BORCS7: variants seen among roughly 807,000 people sequenced by gnomAD.
BORCS7 encodes the protein BLOC-1 related complex subunit 7.
BORCS7 carries 20 observed loss-of-function variants against 17.5 expected under a neutral mutation model. The observed-to-expected ratio is 1.14, with a 90% confidence interval of 0.80 to 1.66. The LOEUF (loss-of-function observed/expected upper bound fraction) is 1.66, where lower values mean the gene tolerates loss of function less well. Ranked by LOEUF, BORCS7 falls within the 40% of genes most tolerant of loss-of-function variation. BORCS7 has a pLI of 0.00. For missense variants in BORCS7, 122 were observed against 129.7 expected, an observed-to-expected ratio of 0.94 and a Z score of 0.29; for synonymous variants, 57 against 49.8, an observed-to-expected ratio of 1.14 and a Z score of -0.61.
intron 4 of BORCS7, 26 bp downstream of exon 4, chr10:102,862,206 T>G (rs1844533301): frequency 1.2e-6 from 2 of 1,602,358 alleles, no homozygotes; most frequent in Non-Finnish European, 1.7e-6. Context: ...GGTAGAGGAG[T>G]AGGGAACCAA....
At position 102,863,058 on chromosome 10, in the gene BORCS7, G is replaced by C. The variant is rs994627126; in HGVS notation, c.*134G>C. 7.6e-6 allele frequency: 6 copies of C among 787,422 alleles called. No individual in the cohort carries two copies. The East Asian group carries it at 1.6e-4, about 22-fold the overall frequency. The allele number at this position is 787,422 out of a possible 1,614,324, so 48.8% of individuals were successfully genotyped here. The stretch of plus-strand genomic sequence containing the variant: ...GTTAGAAAAGTTCTGTGTTAGGGCC[G>C]GGCGCGGTAGCTCACGCCTGTAATC... On this transcript the variant is annotated 3_prime_UTR_variant, in exon 5 of 5. Coordinates refer to ENST00000339834, the MANE Select transcript of BORCS7 (RefSeq NM_001136200.2).
chr10:102,857,697 A>G (rs149871071), intron 1 of BORCS7, among the ~76,000 whole-genome samples: 7 of 152,374 alleles, frequency 4.6e-5, no homozygotes, highest in African/African-American at 1.7e-4. Flanking sequence ...GACTGGGAAC[A>G]GCCTCCAAAT....
Position 102,862,864 on chromosome 10 carries a change from A to C in BORCS7, c.270-9A>C. 2 of 1,599,886 alleles carry C rather than the reference A, an allele frequency of 1.3e-6. No homozygotes were observed. Among genetic ancestry groups the C allele is most frequent in the Non-Finnish European group, 1.7e-6 (2 of 1,167,160 alleles). On this transcript the variant is annotated splice_polypyrimidine_tract_variant and intron_variant, in intron 4 of 4. Transcript: ENST00000339834. ...TTCAGATAAACCCTGTCTCTATTCT[A>C]ATTCCTAGTGTTGAACAGTCATCGG... is the stretch of plus-strand genomic sequence containing the variant.
chr10:102,855,669 G>A (rs1301034491), intron 1 of BORCS7, among the ~76,000 whole-genome samples: 2 of 152,142 alleles, frequency 1.3e-5, no homozygotes, highest in Non-Finnish European at 2.9e-5. Context: ...ATAAACAAGT[G>A]AAACAGAAAA....
At chr10:102,856,010 G>A (rs1017578965) in intron 1 of BORCS7, among the ~76,000 whole-genome samples, 1 of 152,060 alleles carries the variant, frequency 6.6e-6, no homozygotes, top group Non-Finnish European at 1.5e-5. Flanking sequence ...GATCCTTCCC[G>A]CTTTGGCCCC....
At chr10:102,857,709 C>A (rs1255601178) in intron 1 of BORCS7, among the ~76,000 whole-genome samples, 2 of 152,138 alleles carry the variant, frequency 1.3e-5, no homozygotes, top group Non-Finnish European at 2.9e-5. Flanking sequence ...CCTCCAAATC[C>A]GTCAGCAGAG....
intron 1 of BORCS7, among the ~76,000 whole-genome samples, chr10:102,857,466 ATTG>A (rs1398222324): frequency 1.3e-5 from 2 of 152,164 alleles, no homozygotes; most frequent in Non-Finnish European, 2.9e-5. Flanking sequence ...TACTCTCATA[ATTG>A]TTGGTGGGAA....
chr10:102,856,063 G>A (rs992504860), intron 1 of BORCS7, among the ~76,000 whole-genome samples: 1 of 152,030 alleles, frequency 6.6e-6, no homozygotes, highest in South Asian at 2.1e-4. Context: ...ACACCCGGTC[G>A]AAAGGGTTAA....
chr10:102,860,339 G>T lies in BORCS7; in HGVS notation c.149G>T (p.Gly50Val). The change falls in exon 2 of 5, where the codon GGT becomes GTT. Residue 50 changes from glycine to valine, a missense_variant. Physicochemically the swap from Gly to Val is moderately radical, Grantham distance 109 (BLOSUM62 -3). Coordinates refer to ENST00000339834, the MANE Select transcript of BORCS7 (RefSeq NM_001136200.2). ...LKGSRSSELL[G>V]QAARNMVLQE... The stretch of plus-strand genomic sequence containing the variant: ...TTTATTTTTGTCTTCCAGCTGCTAG[G>T]TCAGGCAGCTCGAAACATGGTACTC... 6.2e-7 allele frequency: 1 copy of T among 1,613,898 alleles called. No individual in the cohort carries two copies. The highest frequency in any genetic ancestry group is 2.2e-5 in the East Asian group (1 of 44,878).
chr10:102,862,833 G>A (rs776829619), intron 4 of BORCS7, 40 bp from the exon 5 acceptor site: 30 of 1,547,276 alleles, frequency 1.9e-5, no homozygotes, highest in Non-Finnish European at 2.5e-5. Context: ...CTTTATTATT[G>A]CTCATTTCAG....
At position 102,864,550 on chromosome 10, in the gene BORCS7, C is replaced by T. The variant is rs947845425; in HGVS notation, c.*1626C>T. ...CATGCTGGAACAAATGTTAAAGAAG[C>T]AGTGATTGCTTACAATGTATGTGAT... is the stretch of plus-strand genomic sequence containing the variant. On this transcript the variant is annotated 3_prime_UTR_variant, in exon 5 of 5. Coordinates refer to ENST00000339834, the MANE Select transcript of BORCS7 (RefSeq NM_001136200.2). The T allele has an allele frequency of 5.9e-5, 9 of 152,076 alleles. No homozygotes were observed. The highest frequency in any genetic ancestry group is 1.3e-4 in the Non-Finnish European group (9 of 67,984). The allele number at this position is 152,076 out of a possible 1,614,324, so 9.4% of individuals were successfully genotyped here. A position where few individuals can be genotyped will look rare whatever the true frequency, so the allele number is the denominator to read the frequency against.
intron 1 of BORCS7, among the ~76,000 whole-genome samples, chr10:102,859,309 A>G (rs1844479113): frequency 6.6e-6 from 1 of 151,436 alleles, no homozygotes; most frequent in South Asian, 2.1e-4. Flanking sequence ...CGCCTGGCTA[A>G]TTTTTGTAAT....
At chr10:102,855,962 A>G (rs111501570) in intron 1 of BORCS7, among the ~76,000 whole-genome samples, 1,745 of 152,228 alleles carry the variant, frequency 0.011, 29 homozygotes, top group African/African-American at 0.039. Context: ...GGGTTTCACC[A>G]TGTTGGCCAG....
At chr10:102,858,317 A>G (rs2134097778) in intron 1 of BORCS7, among the ~76,000 whole-genome samples, 1 of 152,192 alleles carries the variant, frequency 6.6e-6, no homozygotes, top group Admixed American at 6.5e-5. Context: ...ATTGTTTAAA[A>G]AGGAACAATG....
At chr10:102,860,297 A>G in intron 1 of BORCS7, 35 bp from the exon 2 acceptor site, 1 of 1,597,722 alleles carries the variant, frequency 6.3e-7, no homozygotes, top group Non-Finnish European at 8.6e-7. Flanking sequence ...AAGTTTGGGA[A>G]TTTTGATTAT....
intron 3 of BORCS7, 67 bp downstream of exon 3, chr10:102,860,608 T>C (rs1844502114): frequency 6.4e-7 from 1 of 1,554,346 alleles, no homozygotes; most frequent in Non-Finnish European, 8.9e-7. Context: ...TTCATGGACT[T>C]TGTGCTTCAG....
rs1264615593 is a variant in BORCS7 at position 102,863,401 on chromosome 10, C to T, written c.*477C>T. ...ATGTACAGTTTCTCCTAAGAAGAAG[C>T]GAGGTGGTTGAATTTTGGAAGCACT... On this transcript the variant is annotated 3_prime_UTR_variant, in exon 5 of 5. Transcript: ENST00000339834. The T allele has an allele frequency of 6.6e-6, 1 of 152,236 alleles. No homozygotes were observed. The highest frequency in any genetic ancestry group is 1.5e-5 in the Non-Finnish European group (1 of 68,418). 9.4% of individuals were successfully genotyped at this position (152,236 alleles called of 1,614,324 possible).
intron 3 of BORCS7, 52 bp from the exon 4 acceptor site, chr10:102,862,108 G>A: frequency 6.5e-7 from 1 of 1,533,902 alleles, no homozygotes; most frequent in Non-Finnish European, 9.0e-7. Context: ...GGTCATAAAT[G>A]AAACTTATTA....
In BORCS7 at chr10:102,863,739, G is replaced by A. The variant is rs1434439499; in HGVS notation, c.*815G>A. Reference sequence around the variant, plus strand: ...TCCTTTTCTGTTCTAGTAACTCAGAGGAGATACGTGTTTTATTTGTGATAG... The same window carrying A: ...TCCTTTTCTGTTCTAGTAACTCAGAAGAGATACGTGTTTTATTTGTGATAG... On this transcript the variant is annotated 3_prime_UTR_variant, in exon 5 of 5. Coordinates refer to ENST00000339834, the MANE Select transcript of BORCS7 (RefSeq NM_001136200.2). 3 of 152,158 alleles carry A rather than the reference G, an allele frequency of 2.0e-5. No homozygotes were observed. Among genetic ancestry groups the A allele is most frequent in the African/African-American group, 7.2e-5 (3 of 41,418 alleles). 9.4% of individuals were successfully genotyped at this position (152,158 alleles called of 1,614,324 possible).
Sources: gnomAD v4.1 joint callset for allele counts (sites outside exome capture counted in the v4.1 genomes callset) on GRCh38, gnomAD v4.1.1 for gene constraint, MANE v1.5 for transcripts, NCBI Gene and HGNC (gene_info 2026-07-23, HGNC 2026-07-21) for gene names.